SEPTIN6: variants seen among roughly 807,000 people sequenced by gnomAD.
The protein encoded by SEPTIN6 is septin-6.
A neutral mutation model predicts 33.6 loss-of-function variants in SEPTIN6; 8 were observed. That is an observed-to-expected ratio of 0.24 (90% CI 0.14 to 0.43). SEPTIN6 has a LOEUF of 0.43. Among genes scored for constraint, SEPTIN6 ranks in the 20% least tolerant of loss-of-function variants. The pLI, the probability that SEPTIN6 is intolerant of heterozygous loss-of-function variation, is 1.00. For missense variants in SEPTIN6, 250 were observed against 340.8 expected (o/e 0.73, Z 2.10); for synonymous variants, 131 against 140.0 (o/e 0.94, Z 0.45).
intron 2 of SEPTIN6, among the ~76,000 whole-genome samples, chrX:119,672,885 G>A (rs1028076118): frequency 3.6e-5 from 4 of 111,389 alleles, no homozygotes; most frequent in African/African-American, 9.8e-5. Context: ...GGACTCTAAG[G>A]CCCTCGATGT....
At chrX:119,670,768 G>A (rs780600477) in intron 2 of SEPTIN6, among the ~76,000 whole-genome samples, 21 of 108,246 alleles carry the variant, frequency 1.9e-4, no homozygotes, top group East Asian at 8.7e-4. Flanking sequence ...GAGAAACCCC[G>A]TCTCTACTAA....
intron 2 of SEPTIN6, among the ~76,000 whole-genome samples, chrX:119,665,194 C>T (rs1217529775): frequency 1.9e-5 from 2 of 107,752 alleles, no homozygotes; most frequent in Admixed American, 2.0e-4. Context: ...GCCTCTGCCT[C>T]CCGGGTTCAA....
rs1197338485 is a variant in SEPTIN6 at position 119,693,150 on chromosome X, GA to G, written c.-46del. 1 of 1,153,717 alleles carries G rather than the reference GA, an allele frequency of 8.7e-7. No homozygotes were observed. The highest frequency in any genetic ancestry group is 1.2e-6 in the Non-Finnish European group (1 of 861,244). Reference sequence around the variant, plus strand: ...GCTGCCACGGGTGCCGCCGCAACGGGAGCTACTGCACAGGAAACAGAGGAGC... The same window carrying G: ...GCTGCCACGGGTGCCGCCGCAACGGGGCTACTGCACAGGAAACAGAGGAGC... On this transcript the variant is annotated 5_prime_UTR_variant, in exon 1 of 11. Coordinates refer to ENST00000394610, the MANE Select transcript of SEPTIN6 (RefSeq NM_145799.4).
intron 7 of SEPTIN6, among the ~76,000 whole-genome samples, chrX:119,633,854 G>A (rs1423650918): frequency 8.9e-6 from 1 of 112,182 alleles, no homozygotes; most frequent in African/African-American, 3.2e-5. Flanking sequence ...CTTCATCTGG[G>A]TTTTCCCACT....
intron 1 of SEPTIN6, chrX:119,686,521 T>G: frequency 6.3e-6 from 5 of 796,454 alleles, no homozygotes; most frequent in Non-Finnish European, 8.4e-6. Context: ...CTGCCTCTAA[T>G]GAGAAGACAC....
Position 119,619,765 on chromosome X carries a change from AC to A in SEPTIN6, c.*327del, listed in dbSNP as rs1429468463. 1 of 1,004,148 alleles carries A rather than the reference AC, an allele frequency of 1.0e-6. No homozygotes were observed. The highest frequency in any genetic ancestry group is 2.0e-5 in the African/African-American group (1 of 50,039). The allele number at this position is 1,004,148 out of a possible 1,213,427, so 82.8% of individuals were successfully genotyped here. A position where few individuals can be genotyped will look rare whatever the true frequency, so the allele number is the denominator to read the frequency against. On this transcript the variant is annotated 3_prime_UTR_variant, in exon 11 of 11. Transcript: ENST00000394610. ...GAAAGAGTAGCAGATGGGCCCCCTG[AC>A]CATGTCACACCTCTGGCAAAGATGT...
chrX:119,616,922 G>T, downstream of SEPTIN6: 1 of 1,073,093 alleles, frequency 9.3e-7, no homozygotes, highest in South Asian at 2.5e-5. Flanking sequence ...TGCTGAGAAG[G>T]TTTTAAGAAC....
At chrX:119,665,085 A>ATTCTTC (rs201248910) in intron 2 of SEPTIN6, among the ~76,000 whole-genome samples, 14 of 103,931 alleles carry the variant, frequency 1.3e-4, no homozygotes, top group African/African-American at 5.1e-4. Context: ...GGCCACAAAA[A>ATTCTTC]TTCTTCTTCT....
chrX:119,621,497 T>TG (rs1569417826), intron 10 of SEPTIN6, among the ~76,000 whole-genome samples: 3 of 32,620 alleles, frequency 9.2e-5, no homozygotes, highest in African/African-American at 8.6e-5. Context: ...GTGTGTGTAT[T>TG]TTTATTTCTT....
At chrX:119,671,164 G>A (rs1410857885) in intron 2 of SEPTIN6, among the ~76,000 whole-genome samples, 3 of 111,315 alleles carry the variant, frequency 2.7e-5, no homozygotes, top group Non-Finnish European at 5.7e-5. Context: ...AAAAAGAAAC[G>A]TTTGGGTATG....
Position 119,617,348 on chromosome X carries a change from T to G in SEPTIN6, c.*2745A>C, listed in dbSNP as rs2053681795. ...AAAAGCTACCCAATGAAATACACAT[T>G]TTAATAGGTTGATCAACTTTTTAAT... On this transcript the variant is annotated 3_prime_UTR_variant, in exon 11 of 11. Transcript: ENST00000394610. 1.2e-6 allele frequency: 1 copy of G among 803,741 alleles called. No individual in the cohort carries two copies. Among genetic ancestry groups the G allele is most frequent in the African/African-American group, 2.2e-5 (1 of 46,080 alleles). 66.2% of individuals were successfully genotyped at this position (803,741 alleles called of 1,213,427 possible).
Position 119,618,674 on chromosome X carries a change from C to T in SEPTIN6, c.*1419G>A. On this transcript the variant is annotated 3_prime_UTR_variant, in exon 11 of 11. Transcript: ENST00000394610. ...GGATAGGGGTGGGGGGCCTCGCTGC[C>T]TGGCACCCCAAAGGAAAGCTGTCAG... 1 of 1,186,335 alleles carries T rather than the reference C, an allele frequency of 8.4e-7. No individual in the cohort carries two copies. The highest frequency in any genetic ancestry group is 1.8e-5 in the African/African-American group (1 of 56,997).
In SEPTIN6 at chrX:119,619,969, C is replaced by T; in HGVS notation, c.*124G>A. 8.3e-7 allele frequency: 1 copy of T among 1,199,432 alleles called. No individual in the cohort carries two copies. The highest frequency in any genetic ancestry group is 3.0e-5 in the East Asian group (1 of 33,641). ...GAGGGCGCGGGTTGGATTGTATGCC[C>T]CCCAGGCATGTTAAGGGGGAAATTA... is the stretch of plus-strand genomic sequence containing the variant. On this transcript the variant is annotated 3_prime_UTR_variant, in exon 11 of 11. Coordinates refer to ENST00000394610, the MANE Select transcript of SEPTIN6 (RefSeq NM_145799.4).
intron 2 of SEPTIN6, among the ~76,000 whole-genome samples, chrX:119,667,176 C>A (rs754037167): frequency 9.1e-6 from 1 of 109,837 alleles, no homozygotes; most frequent in East Asian, 2.9e-4. Flanking sequence ...GGTCCTGTTT[C>A]CCCAGCACCC....
At chrX:119,626,570 CTT>C (rs756794987) in intron 9 of SEPTIN6, among the ~76,000 whole-genome samples, 2 of 111,873 alleles carry the variant, frequency 1.8e-5, no homozygotes, top group Non-Finnish European at 3.8e-5. Flanking sequence ...TCCAAAGAGA[CTT>C]TTTTCTGGCT....
intron 1 of SEPTIN6, among the ~76,000 whole-genome samples, chrX:119,680,754 G>A (rs188051307): frequency 0.025 from 2,671 of 108,853 alleles, 45 homozygotes; most frequent in South Asian, 0.15. Context: ...AGGCCGAGGC[G>A]GGTGGATCAT....
chrX:119,636,989 A>G (rs2054072313), intron 7 of SEPTIN6, 38 bp downstream of exon 7: 5 of 1,190,588 alleles, frequency 4.2e-6, no homozygotes, highest in Non-Finnish European at 5.7e-6. Context: ...GGCTGAGCTG[A>G]GCTGGGCTGG....
chrX:119,665,578 TC>T (rs760006308), intron 2 of SEPTIN6, among the ~76,000 whole-genome samples: 147 of 111,171 alleles, frequency 1.3e-3, no homozygotes, highest in African/African-American at 4.5e-3. Context: ...TCCTGGGAGA[TC>T]AAGGGATACC....
At chrX:119,681,731 T>C (rs1406072361) in intron 1 of SEPTIN6, among the ~76,000 whole-genome samples, 2 of 112,064 alleles carry the variant, frequency 1.8e-5, no homozygotes, top group African/African-American at 6.5e-5. Flanking sequence ...ACAGAAGTTA[T>C]AGGGCGACTG....
Sources: gnomAD v4.1 joint callset for allele counts (sites outside exome capture counted in the v4.1 genomes callset) on GRCh38, gnomAD v4.1.1 for gene constraint, MANE v1.5 for transcripts, NCBI Gene and HGNC (gene_info 2026-07-23, HGNC 2026-07-21) for gene names.